LACTB2: variants seen among roughly 807,000 people sequenced by gnomAD.
LACTB2 encodes endoribonuclease LACTB2.
In LACTB2, 32 loss-of-function variants were observed where a neutral mutation model predicts 34.8. That is an observed-to-expected ratio of 0.92 (90% CI 0.69 to 1.24). The LOEUF (loss-of-function observed/expected upper bound fraction) is 1.24. Ranked by LOEUF, LACTB2 falls within the 50% of genes most tolerant of loss-of-function variation. LACTB2 has a pLI of 0.00. For synonymous variants in LACTB2, 120 were observed against 117.5 expected (o/e 1.02, Z -0.14); for missense variants, 320 against 345.0 (o/e 0.93, Z 0.57).
chr8:70,646,493 C>T (rs1161506558), intron 3 of LACTB2: 1 of 152,116 alleles, frequency 6.6e-6, no homozygotes, highest in Non-Finnish European at 1.5e-5. Context: ...CAGAAAAAGA[C>T]TCTTTAATCT....
At chr8:70,661,193 A>G in intron 2 of LACTB2, 1 of 364,608 alleles carries the variant, frequency 2.7e-6, no homozygotes, top group Non-Finnish European at 5.4e-6. Context: ...TCTGACATAT[A>G]ACAGTAACTG....
chr8:70,660,108 GTTTCTTTTTTTT>G (rs1362692742), intron 2 of LACTB2: 5 of 151,744 alleles, frequency 3.3e-5, no homozygotes, highest in East Asian at 1.9e-4. Context: ...TCACAGAGTA[GTTTCTTTTTTTT>G]TTTCTTTTTT....
chr8:70,657,827 T>C lies in LACTB2; in HGVS notation c.342A>G (p.Ile114Met). The C allele has an allele frequency of 1.2e-6, 2 of 1,611,406 alleles. No homozygotes were observed. Among genetic ancestry groups the C allele is most frequent in the South Asian group, 2.2e-5 (2 of 91,012 alleles). ...AAACATATTGTTGCTCTCCATTTCCTATAATTTCTTCTCTCTGAGGATTCC... is the reference window on the plus strand; with the variant it reads ...AAACATATTGTTGCTCTCCATTTCCCATAATTTCTTCTCTCTGAGGATTCC... ...LPRNPQREEI[I>M]GNGEQQYVYL... Residue 114 changes from isoleucine (I) to methionine (M), a missense_variant, in exon 3 of 7, where the codon ATA becomes ATG. By Grantham distance (10) the Ile-to-Met change is conservative. Transcript: ENST00000276590.
At chr8:70,653,586 C>T (rs138713960) in intron 3 of LACTB2, 6 of 152,156 alleles carry the variant, frequency 3.9e-5, no homozygotes, top group Non-Finnish European at 8.8e-5. Flanking sequence ...TATTCAGTGC[C>T]TTCTGTGTGC....
At chr8:70,644,974 T>C (rs1175987878) in intron 3 of LACTB2, among the ~76,000 whole-genome samples, 2 of 152,154 alleles carry the variant, frequency 1.3e-5, no homozygotes, top group Non-Finnish European at 2.9e-5. Context: ...AAAACTGATA[T>C]TGTTTTAATA....
intron 1 of LACTB2, among the ~76,000 whole-genome samples, chr8:70,666,980 T>C (rs1444782356): frequency 6.6e-6 from 1 of 152,182 alleles, no homozygotes; most frequent in African/African-American, 2.4e-5. Context: ...ACTTGAGCTA[T>C]ATATTTGGTA....
At chr8:70,645,886 G>C (rs1281626028) in intron 3 of LACTB2, among the ~76,000 whole-genome samples, 1 of 152,044 alleles carries the variant, frequency 6.6e-6, no homozygotes, top group Non-Finnish European at 1.5e-5. Flanking sequence ...TCTTAATCCA[G>C]TCTATCATTG....
chr8:70,640,736 T>A, intron 5 of LACTB2, 166 bp downstream of exon 5: 1 of 753,010 alleles, frequency 1.3e-6, no homozygotes, highest in Non-Finnish European at 1.9e-6. Context: ...CTAAGGCCAG[T>A]TTTTGTTTAA....
At chr8:70,637,976 TG>T in intron 6 of LACTB2, 73 bp from the exon 7 acceptor site, 2 of 823,838 alleles carry the variant, frequency 2.4e-6, no homozygotes, top group Non-Finnish European at 3.7e-6. Flanking sequence ...AGTTACCTTG[TG>T]GCTAGAAAAA....
In LACTB2 at chr8:70,637,804, A is replaced by G. The variant is rs112174139; in HGVS notation, c.*56T>C. 1.2e-3 allele frequency: 1,365 copies of G among 1,112,038 alleles called. 17 individuals are homozygous for G. The African/African-American group carries it at 0.019, about 16-fold the overall frequency. The allele number at this position is 1,112,038 out of a possible 1,614,324, so 68.9% of individuals were successfully genotyped here. A position where few individuals can be genotyped will look rare whatever the true frequency, so the allele number is the denominator to read the frequency against. ...TTCTCTATAAAATAACCTATAGTTA[A>G]GAAAACATACCATTCTCTGAAAGCA... On this transcript the variant is annotated 3_prime_UTR_variant, in exon 7 of 7. Coordinates refer to ENST00000276590, the MANE Select transcript of LACTB2 (RefSeq NM_016027.3).
At chr8:70,659,334 T>A (rs559719338) in intron 2 of LACTB2, among the ~76,000 whole-genome samples, 3 of 152,204 alleles carry the variant, frequency 2.0e-5, no homozygotes, top group African/African-American at 7.2e-5. Flanking sequence ...GACTACAATT[T>A]CCCAGCTAGA....
At chr8:70,652,638 G>A (rs1168565994) in intron 3 of LACTB2, 1 of 152,148 alleles carries the variant, frequency 6.6e-6, no homozygotes, top group Non-Finnish European at 1.5e-5. Context: ...TCAACTGAAG[G>A]GGAAGCAAGC....
rs1196805131 is a variant in LACTB2, at chr8:70,669,149, G to A, written c.-29C>T. On this transcript the variant is annotated 5_prime_UTR_variant, in exon 1 of 7. Transcript: ENST00000276590. Reference sequence around the variant, plus strand: ...CGCCTCAGCCGCCCGCCGGCGTGTCGCCTATCTGGATACTCCAGCGCGGAA... The same window carrying A: ...CGCCTCAGCCGCCCGCCGGCGTGTCACCTATCTGGATACTCCAGCGCGGAA... The A allele has an allele frequency of 1.2e-6, 2 of 1,609,952 alleles. No individual in the cohort carries two copies. Among genetic ancestry groups the A allele is most frequent in the East Asian group, 2.2e-5 (1 of 44,776 alleles).
intron 5 of LACTB2, 79 bp downstream of exon 5, chr8:70,640,823 T>G: frequency 7.4e-7 from 1 of 1,345,172 alleles, no homozygotes; most frequent in Non-Finnish European, 9.7e-7. Context: ...GGGATATAAG[T>G]TTATCATTTC....
rs949248958 is a variant in LACTB2 at position 70,669,113 on chromosome 8, G to A, written c.8C>T (p.Ala3Val). The A allele has an allele frequency of 9.4e-6, 15 of 1,601,370 alleles. No individual in the cohort carries two copies. The African/African-American group carries it at 1.5e-4, about 16-fold the overall frequency. MA[A>V]VLQRVERLSN... is the part of the protein sequence containing the mutation. The stretch of plus-strand genomic sequence containing the variant: ...CAGCCGCTCGACGCGCTGCAGTACA[G>A]CAGCCATTCCCGCCTCAGCCGCCCG... The change falls in exon 1 of 7, where the codon GCT becomes GTT. Residue 3 changes from alanine to valine, a missense_variant. Transcript: ENST00000276590.
rs1397883753 is a variant in LACTB2 at position 70,669,185 on chromosome 8, G to T, written c.-65C>A. The T allele has an allele frequency of 4.4e-6, 7 of 1,580,000 alleles. No individual in the cohort carries two copies. In the African/African-American group the frequency reaches 9.5e-5, roughly 21 times the overall value. On this transcript the variant is annotated 5_prime_UTR_variant, in exon 1 of 7. The change creates a new upstream start codon in the 5' untranslated region. Coordinates refer to ENST00000276590, the MANE Select transcript of LACTB2 (RefSeq NM_016027.3). ...TACTCCAGCGCGGAAGAAGCCAACA[G>T]GCCGGGGATAGCGAGTAGCGTCCAC...
intron 3 of LACTB2, 66 bp from the exon 4 acceptor site, chr8:70,644,309 A>C: frequency 8.9e-7 from 1 of 1,117,724 alleles, no homozygotes; most frequent in Admixed American, 2.7e-5. Flanking sequence ...AATTTTGAGA[A>C]GTAAATTATT....
intron 4 of LACTB2, among the ~76,000 whole-genome samples, chr8:70,642,245 C>T (rs996776188): frequency 5.3e-5 from 8 of 151,464 alleles, no homozygotes; most frequent in African/African-American, 1.2e-4. Flanking sequence ...CAAAGCAAAA[C>T]AAACAAACAA....
chr8:70,652,217 T>C (rs1818352307), intron 3 of LACTB2, among the ~76,000 whole-genome samples: 2 of 152,234 alleles, frequency 1.3e-5, no homozygotes, highest in Non-Finnish European at 2.9e-5. Flanking sequence ...ACCTTCTATT[T>C]ATGCAACTTT....
Sources: allele counts gnomAD v4.1 joint callset (sites outside exome capture counted in the v4.1 genomes callset), GRCh38; gene constraint gnomAD v4.1.1; transcripts MANE v1.5; gene names NCBI Gene and HGNC (gene_info 2026-07-23, HGNC 2026-07-21).